Variants in MYH10 observed in about 807,000 individuals in gnomAD.
The protein encoded by MYH10 is myosin heavy chain 10, also known as myosin-10.
Under a neutral mutation model 257.8 loss-of-function variants are expected in MYH10, and 55 were observed. The observed-to-expected ratio is 0.21, with a 90% CI of 0.17 to 0.27. The LOEUF (loss-of-function observed/expected upper bound fraction) is 0.27, where lower values mean the gene tolerates loss of function less well. Among genes scored for constraint, MYH10 ranks in the 10% least tolerant of loss-of-function variants. The probability of loss-of-function intolerance (pLI) is 1.00; values close to 1 mark genes in which losing one functional copy is unlikely to be tolerated. For missense variants in MYH10, 1,631 were observed against 2,500.6 expected (o/e 0.65, Z 7.42); for synonymous variants, 854 against 921.7 (o/e 0.93, Z 1.33).
Position 8,481,313 on chromosome 17 carries a change from G to A in MYH10, c.5264+9C>T. ...GCGAAGAACCCACCCCCGGCCGTGG[G>A]AGACTCACTTGCCAGAGGCGCTGTT... On this transcript the variant is annotated intron_variant, in intron 38 of 42. Coordinates refer to ENST00000360416, the MANE Select transcript of MYH10 (RefSeq NM_001256012.3). 6.2e-7 allele frequency: 1 copy of A among 1,613,544 alleles called. No homozygotes were observed. The highest frequency in any genetic ancestry group is 8.5e-7 in the Non-Finnish European group (1 of 1,179,934).
chr17:8,602,371 A>G (rs2084642816), intron 3 of MYH10, among the ~76,000 whole-genome samples: 1 of 152,316 alleles, frequency 6.6e-6, no homozygotes, highest in Non-Finnish European at 1.5e-5. Context: ...AATTCTCCAC[A>G]CGGTCCTTGG....
At chr17:8,567,455 C>T (rs778637888) in intron 7 of MYH10, among the ~76,000 whole-genome samples, 7 of 152,212 alleles carry the variant, frequency 4.6e-5, no homozygotes, top group Non-Finnish European at 1.0e-4. Flanking sequence ...CTGAAACTAT[C>T]TCTGAAGGTG....
intron 3 of MYH10, among the ~76,000 whole-genome samples, chr17:8,595,724 C>T (rs1032443546): frequency 1.3e-5 from 2 of 152,132 alleles, no homozygotes; most frequent in African/African-American, 4.8e-5. Flanking sequence ...AGTCACCAAG[C>T]CCGGCCCAAG....
chr17:8,535,820 A>T lies in MYH10; in HGVS notation c.1717T>A (p.Phe573Ile). ...LVQEQGSHSK[F>I]QKPRQLKDKA... ...TCTTTTAATTGTCGAGGTTTCTGAA[A>T]CTTGGAGTGGGAACCTTGCTCTTGA... is the stretch of plus-strand genomic sequence containing the variant. Residue 573 changes from phenylalanine to isoleucine, a missense_variant, in exon 15 of 43, where the codon TTT becomes ATT. Phe to Ile is a conservative substitution (Grantham distance 21). Coordinates refer to ENST00000360416, the MANE Select transcript of MYH10 (RefSeq NM_001256012.3). This position sits in a 1 kb window ranked among gnomAD's most constrained non-coding sequence, Gnocchi z 4.3. 1 of 1,614,200 alleles carries T rather than the reference A, an allele frequency of 6.2e-7. No homozygotes were observed. Among genetic ancestry groups the T allele is most frequent in the Non-Finnish European group, 8.5e-7 (1 of 1,180,044 alleles).
chr17:8,530,888 A>T (rs2081987131), intron 16 of MYH10, among the ~76,000 whole-genome samples: 1 of 152,224 alleles, frequency 6.6e-6, no homozygotes, highest in Non-Finnish European at 1.5e-5. Context: ...TTAATGCTAA[A>T]TCAAAAGAGC....
At chr17:8,554,451 C>A (rs2082726656) in intron 7 of MYH10, among the ~76,000 whole-genome samples, 2 of 150,664 alleles carry the variant, frequency 1.3e-5, no homozygotes, top group Admixed American at 6.6e-5. Flanking sequence ...GAAAACTTAA[C>A]CCATAAAAAT....
At chr17:8,494,532 G>A (rs989457990) in intron 31 of MYH10, among the ~76,000 whole-genome samples, 2 of 151,898 alleles carry the variant, frequency 1.3e-5, no homozygotes, top group Non-Finnish European at 2.9e-5. Flanking sequence ...TCCACTTTTG[G>A]CCTGTCTGAG....
Position 8,504,399 on chromosome 17 carries a change from C to G in MYH10, c.3599+295G>C, listed in dbSNP as rs2081006451. Among the ~76,000 whole-genome samples, 1 of 152,166 alleles carries G rather than the reference C, an allele frequency of 6.6e-6. No homozygotes were observed. The highest frequency in any genetic ancestry group is 2.4e-5 in the African/African-American group (1 of 41,418). On this transcript the variant is annotated intron_variant, in intron 28 of 42. Transcript: ENST00000360416. The surrounding 1 kb of genome is among the most constrained non-coding windows in gnomAD (Gnocchi z 5.6). ...AAATCTCTTTTCACTGCCCCCTGCTCTGTGTAGTTGTCACTCTCTCCCCCT... is the reference window on the plus strand; with the variant it reads ...AAATCTCTTTTCACTGCCCCCTGCTGTGTGTAGTTGTCACTCTCTCCCCCT...
At chr17:8,538,647 T>G (rs2082210456) in intron 14 of MYH10, among the ~76,000 whole-genome samples, 1 of 152,190 alleles carries the variant, frequency 6.6e-6, no homozygotes, top group Non-Finnish European at 1.5e-5. Flanking sequence ...TTAGGACTAT[T>G]TAGGCAGGGA....
At chr17:8,511,326 C>G (rs1033997185) in intron 24 of MYH10, 1 of 152,166 alleles carries the variant, frequency 6.6e-6, no homozygotes, top group Non-Finnish European at 1.5e-5. Flanking sequence ...TCGAGACCAG[C>G]CTGGCCAACG....
chr17:8,622,476 A>G (rs1255415996), intron 2 of MYH10, among the ~76,000 whole-genome samples: 1 of 152,180 alleles, frequency 6.6e-6, no homozygotes, highest in Non-Finnish European at 1.5e-5. Context: ...GAAGCTGTTC[A>G]TGCTGTCCAC....
intron 6 of MYH10, among the ~76,000 whole-genome samples, chr17:8,576,123 G>A (rs542196193): frequency 2.8e-4 from 42 of 152,330 alleles, no homozygotes; most frequent in Middle Eastern, 6.8e-3. Context: ...GACTATAGGT[G>A]CATACCACTG....
At chr17:8,540,124 A>G (rs1258526033) in intron 14 of MYH10, among the ~76,000 whole-genome samples, 1 of 151,962 alleles carries the variant, frequency 6.6e-6, no homozygotes, top group East Asian at 1.9e-4. Flanking sequence ...TGAGTAGCCG[A>G]GACTACAGGC....
At chr17:8,486,579 A>T (rs77122261) in intron 36 of MYH10, among the ~76,000 whole-genome samples, 133,315 of 139,180 alleles carry the variant, frequency 0.96, 64,257 homozygotes, top group East Asian at 1. Flanking sequence ...AAAAAAAAAA[A>T]ATGGAAACAA....
At chr17:8,590,789 T>G (rs1487626359) in intron 3 of MYH10, among the ~76,000 whole-genome samples, 1 of 151,648 alleles carries the variant, frequency 6.6e-6, no homozygotes, top group Non-Finnish European at 1.5e-5. Flanking sequence ...GGATATCTCC[T>G]GCATGTCCCT....
intron 24 of MYH10, among the ~76,000 whole-genome samples, chr17:8,510,164 G>A (rs1311368612): frequency 6.7e-6 from 1 of 150,094 alleles, no homozygotes; most frequent in Admixed American, 6.7e-5. Flanking sequence ...TCAGCCTCCC[G>A]AGTAGCTGGG....
chr17:8,526,363 G>A (rs1031559179), intron 17 of MYH10, among the ~76,000 whole-genome samples: 1 of 152,138 alleles, frequency 6.6e-6, no homozygotes, highest in African/African-American at 2.4e-5. Context: ...ACCTAATATT[G>A]CTTCTAAATC....
intron 7 of MYH10, among the ~76,000 whole-genome samples, chr17:8,568,126 A>T (rs2083221501): frequency 6.6e-6 from 1 of 152,120 alleles, no homozygotes. Flanking sequence ...GGCTCTCCAG[A>T]TAAACCTGCT....
In MYH10 at chr17:8,527,398, A is replaced by G. The variant is rs1404179022; in HGVS notation, c.1957+3225T>C. ...CCTATCCCTTTCGGCCAGGCCATCT[A>G]AGGCGCTGGGCAGACAGGAAGCCCC... On this transcript the variant is annotated intron_variant, in intron 17 of 42. Transcript: ENST00000360416. Among the ~76,000 whole-genome samples the G allele has an allele frequency of 4.6e-5, 7 of 152,142 alleles. No homozygotes were observed. The South Asian group carries it at 1.2e-3, about 27-fold the overall frequency.
Sources: allele counts gnomAD v4.1 joint callset (sites outside exome capture counted in the v4.1 genomes callset), GRCh38; gene constraint gnomAD v4.1.1; non-coding constraint Gnocchi (gnomAD v3.1); transcripts MANE v1.5; gene names NCBI Gene and HGNC (gene_info 2026-07-23, HGNC 2026-07-21).